Variants in HTR2C observed in about 807,000 individuals in gnomAD.
HTR2C encodes 5-hydroxytryptamine (serotonin) receptor 2C, G protein-coupled.
Under a neutral mutation model 21.0 loss-of-function variants are expected in HTR2C, and 5 were observed. The observed-to-expected ratio is 0.24, with a 90% confidence interval of 0.12 to 0.50. HTR2C has a LOEUF of 0.50. Among genes scored for constraint, HTR2C ranks in the 20% least tolerant of loss-of-function variants. The pLI is 0.98. For synonymous variants in HTR2C, 150 were observed against 145.3 expected (o/e 1.03, Z -0.23); for missense variants, 271 against 371.2 (o/e 0.73, Z 2.22).
intron 4 of HTR2C, among the ~76,000 whole-genome samples, chrX:114,747,490 T>C (rs1488877567): frequency 8.9e-6 from 1 of 112,195 alleles, no homozygotes; most frequent in African/African-American, 3.2e-5. Flanking sequence ...TCCCAAGGGA[T>C]CTACAAAGAC....
At chrX:114,758,497 G>A (rs1400743091) in intron 4 of HTR2C, among the ~76,000 whole-genome samples, 1 of 111,000 alleles carries the variant, frequency 9.0e-6, no homozygotes, top group Non-Finnish European at 1.9e-5. Context: ...GGGAATTCAG[G>A]CTGCAGTGAC....
At chrX:114,824,187 T>C (rs1428857959) in intron 4 of HTR2C, among the ~76,000 whole-genome samples, 1 of 111,467 alleles carries the variant, frequency 9.0e-6, no homozygotes, top group Non-Finnish European at 1.9e-5. Flanking sequence ...CCTACAAATA[T>C]TTCAGAGATA....
At chrX:114,618,973 C>T (rs1410609778) in intron 2 of HTR2C, among the ~76,000 whole-genome samples, 1 of 110,999 alleles carries the variant, frequency 9.0e-6, no homozygotes, top group African/African-American at 3.3e-5. Flanking sequence ...AAAACCAAAT[C>T]ATATATGTGT....
chrX:114,640,098 G>A (rs942386611), intron 2 of HTR2C, among the ~76,000 whole-genome samples: 3 of 110,613 alleles, frequency 2.7e-5, no homozygotes, highest in Admixed American at 9.7e-5. Flanking sequence ...TTTTTTGTTC[G>A]ACACATATTT....
At chrX:114,750,366 T>C (rs1186221274) in intron 4 of HTR2C, among the ~76,000 whole-genome samples, 1 of 112,305 alleles carries the variant, frequency 8.9e-6, no homozygotes, top group Non-Finnish European at 1.9e-5. Context: ...ATCTGTTCTG[T>C]CTTCTATTAC....
intron 4 of HTR2C, among the ~76,000 whole-genome samples, chrX:114,737,416 C>T (rs377021060): frequency 2.7e-5 from 3 of 109,568 alleles, no homozygotes; most frequent in African/African-American, 6.7e-5. Flanking sequence ...TTGGTAGAGA[C>T]GGGGTTTCAC....
chrX:114,706,596 A>T (rs1212190919), intron 2 of HTR2C, among the ~76,000 whole-genome samples: 2 of 98,821 alleles, frequency 2.0e-5, no homozygotes, highest in Admixed American at 1.1e-4. Context: ...GCATTAGTAG[A>T]TATACCTAAT....
At chrX:114,834,125 G>A (rs2070757045) in intron 4 of HTR2C, among the ~76,000 whole-genome samples, 1 of 109,662 alleles carries the variant, frequency 9.1e-6, no homozygotes, top group African/African-American at 3.3e-5. Flanking sequence ...TTCCAAGTAT[G>A]TGGTCAATTT....
Position 114,613,450 on chromosome X carries a change from G to A in HTR2C, c.-146-365G>A, listed in dbSNP as rs376173862. Among the ~76,000 whole-genome samples, 15 of 110,799 alleles carry A rather than the reference G, an allele frequency of 1.4e-4. No individual in the cohort carries two copies. In the East Asian group the frequency reaches 2.0e-3, roughly 15 times the overall value. The stretch of plus-strand genomic sequence containing the variant: ...TTTTGGTGGGTTTTAGCTGGGTTCT[G>A]TACTGCAACCTGTTTTATTAACAAG... On this transcript the variant is annotated intron_variant, in intron 1 of 5. Transcript: ENST00000276198.
intron 4 of HTR2C, among the ~76,000 whole-genome samples, chrX:114,780,054 C>T (rs1374607181): frequency 9.0e-6 from 1 of 111,002 alleles, no homozygotes; most frequent in Non-Finnish European, 1.9e-5. Context: ...AAAAACAATA[C>T]AATATAACAA....
In HTR2C at chrX:114,909,975, A is replaced by G. The variant is rs1251106753; in HGVS notation, c.*2560A>G. 8.9e-6 allele frequency: 1 copy of G among 112,030 alleles called. No homozygotes were observed. Among genetic ancestry groups the G allele is most frequent in the Non-Finnish European group, 1.9e-5 (1 of 53,160 alleles). The allele number at this position is 112,030 out of a possible 1,213,427, so 9.2% of individuals were successfully genotyped here. Reference sequence around the variant, plus strand: ...TGGTATTTTTTGTGAATGGTTGCAAAGTGTTGTCTTATTCCTAATTCCTGT... The same window carrying G: ...TGGTATTTTTTGTGAATGGTTGCAAGGTGTTGTCTTATTCCTAATTCCTGT... On this transcript the variant is annotated 3_prime_UTR_variant, in exon 6 of 6. Transcript: ENST00000276198.
chrX:114,833,100 G>T (rs1239458701), intron 4 of HTR2C, among the ~76,000 whole-genome samples: 1 of 91,865 alleles, frequency 1.1e-5, no homozygotes, highest in African/African-American at 3.8e-5. Context: ...GATTCGTTTT[G>T]CCAGTATTTT....
chrX:114,685,805 T>C (rs782642886), intron 2 of HTR2C, among the ~76,000 whole-genome samples: 156 of 112,297 alleles, frequency 1.4e-3, no homozygotes, highest in Non-Finnish European at 2.6e-3. Flanking sequence ...TATTTCTACC[T>C]AGCCAGTACT....
intron 5 of HTR2C, among the ~76,000 whole-genome samples, chrX:114,857,422 G>A (rs961865438): frequency 9.0e-6 from 1 of 111,107 alleles, no homozygotes; most frequent in African/African-American, 3.3e-5. Flanking sequence ...CCAAACCCTG[G>A]TCCTAATAAT....
intron 2 of HTR2C, chrX:114,651,413 C>T (rs1348284427): frequency 1.6e-5 from 2 of 123,351 alleles, no homozygotes; most frequent in Non-Finnish European, 3.8e-5. Flanking sequence ...ATTGTCTCTT[C>T]AAGCTTTAAA....
chrX:114,624,678 GA>G (rs1181233131), intron 2 of HTR2C, among the ~76,000 whole-genome samples: 3 of 108,206 alleles, frequency 2.8e-5, no homozygotes, highest in African/African-American at 6.7e-5. Context: ...ATTCCAAAAG[GA>G]AAAAAAAATG....
intron 4 of HTR2C, among the ~76,000 whole-genome samples, chrX:114,805,854 CCATATATAT>C (rs2070413360): frequency 6.6e-5 from 6 of 90,303 alleles, no homozygotes; most frequent in African/African-American, 1.6e-4. Flanking sequence ...CATATATATA[CCATATATAT>C]ACCATATATA....
intron 5 of HTR2C, among the ~76,000 whole-genome samples, chrX:114,862,977 A>G (rs1394955829): frequency 9.0e-6 from 1 of 111,042 alleles, no homozygotes; most frequent in African/African-American, 3.3e-5. Flanking sequence ...CTCATTTCAC[A>G]TAATTACCTC....
intron 2 of HTR2C, among the ~76,000 whole-genome samples, chrX:114,720,666 CTCCCCCG>C (rs781942518): frequency 1.5e-4 from 7 of 47,760 alleles, no homozygotes; most frequent in Non-Finnish European, 2.2e-4. Context: ...TCCCTCCCCC[CTCCCCCG>C]ACCCCACCAC....
Sources: gnomAD v4.1 joint callset for allele counts (sites outside exome capture counted in the v4.1 genomes callset) on GRCh38, gnomAD v4.1.1 for gene constraint, MANE v1.5 for transcripts, NCBI Gene and HGNC (gene_info 2026-07-23, HGNC 2026-07-21) for gene names.